Variants in LRP2 observed in about 807,000 individuals in gnomAD.
LRP2 encodes low-density lipoprotein receptor-related protein 2.
Under a neutral mutation model 531.0 loss-of-function variants are expected in LRP2, and 172 were observed. The ratio of observed to expected loss-of-function variants is 0.32; its 90% confidence interval spans 0.29 to 0.37. LRP2 has a LOEUF of 0.37. Ranked by LOEUF, LRP2 falls within the 10% of genes least tolerant of loss-of-function variation. LRP2 has a pLI of 1.00. For synonymous variants in LRP2, 1,992 were observed against 2,027.6 expected, an observed-to-expected ratio of 0.98 and a Z score of 0.47; for missense variants, 5,167 against 5,868.3, an observed-to-expected ratio of 0.88 and a Z score of 3.90.
chr2:169,177,975 C>T lies in LRP2; in HGVS notation c.10221G>A (p.Leu3407=). The T allele has an allele frequency of 1.9e-6, 3 of 1,614,176 alleles. No homozygotes were observed. The highest frequency in any genetic ancestry group is 1.7e-6 in the Non-Finnish European group (2 of 1,180,024). The change falls in exon 53 of 79, where the codon CTG becomes CTA. Residue 3407 remains leucine (L), a synonymous_variant. Coordinates refer to ENST00000649046, the MANE Select transcript of LRP2 (RefSeq NM_004525.3). ...HHRHTVYDGA[L]PHPFAITIFE... ...AAATGGTAATAGCGAAAGGGTGAGG[C>T]AGTGCCCCATCATACACCGTGTGTC...
chr2:169,247,317 C>T lies in LRP2; in HGVS notation c.2908+61G>A, dbSNP rs931375482. On this transcript the variant is annotated intron_variant, in intron 20 of 78. Transcript: ENST00000649046. ...ATAAGTACTTAAAGAGAACAGGAGCCACTGTAACAAATAAATAAACCCATA... is the reference window on the plus strand; with the variant it reads ...ATAAGTACTTAAAGAGAACAGGAGCTACTGTAACAAATAAATAAACCCATA... The T allele has an allele frequency of 1.3e-5, 20 of 1,559,692 alleles. No individual in the cohort carries two copies. In the East Asian group the frequency reaches 3.8e-4, roughly 30 times the overall value.
chr2:169,306,670 G>A (rs1017315840), intron 4 of LRP2, among the ~76,000 whole-genome samples: 4 of 151,474 alleles, frequency 2.6e-5, no homozygotes, highest in African/African-American at 4.9e-5. Context: ...TATAAGCCTC[G>A]AAAGAGGAAG....
At chr2:169,191,423 C>A (rs921417165) in intron 48 of LRP2, among the ~76,000 whole-genome samples, 1 of 152,178 alleles carries the variant, frequency 6.6e-6, no homozygotes, top group Non-Finnish European at 1.5e-5. Flanking sequence ...ATCTCAAGCC[C>A]TATCCATTCA....
At chr2:169,194,974 G>A (rs551439286) in intron 46 of LRP2, among the ~76,000 whole-genome samples, 66 of 152,206 alleles carry the variant, frequency 4.3e-4, no homozygotes, top group African/African-American at 8.2e-4. Context: ...CTCCCAAAGC[G>A]CTAGGATTAC....
At chr2:169,140,298 T>C (rs1032593500) in intron 72 of LRP2, among the ~76,000 whole-genome samples, 157 bp downstream of exon 72, 3 of 152,226 alleles carry the variant, frequency 2.0e-5, no homozygotes, top group African/African-American at 7.2e-5. Flanking sequence ...ACTGCCTCAG[T>C]TCTCTGTAGA....
intron 54 of LRP2, 69 bp from the exon 55 acceptor site, chr2:169,175,458 T>G: frequency 1.4e-6 from 2 of 1,444,444 alleles, no homozygotes; most frequent in Non-Finnish European, 1.9e-6. Context: ...AGAGAAGAAG[T>G]CAACACTGAA....
chr2:169,296,905 T>G (rs1684147424), intron 4 of LRP2, among the ~76,000 whole-genome samples: 1 of 152,088 alleles, frequency 6.6e-6, no homozygotes, highest in Admixed American at 6.5e-5. Flanking sequence ...GGTCAGCAGT[T>G]TGACTTTTGG....
At chr2:169,201,547 T>G in intron 44 of LRP2, 81 bp downstream of exon 44, 1 of 1,551,616 alleles carries the variant, frequency 6.4e-7, no homozygotes, top group East Asian at 2.3e-5. Flanking sequence ...TTGGAAAGCC[T>G]TTTTTTTATA....
At position 169,237,272 on chromosome 2, in the gene LRP2, T is replaced by C. The variant is rs1461316860; in HGVS notation, c.4522A>G (p.Ile1508Val). Residue 1508 changes from isoleucine to valine, a missense_variant, in exon 28 of 79, where the codon ATC becomes GTC. Coordinates refer to ENST00000649046, the MANE Select transcript of LRP2 (RefSeq NM_004525.3). ...ATTGCAATAGTTTCAGTCAAGATGATGCTACTGTCAAATACCTAAAGACAA... is the reference window on the plus strand; with the variant it reads ...ATTGCAATAGTTTCAGTCAAGATGACGCTACTGTCAAATACCTAAAGACAA... ...TDRRVVFDSS[I>V]ILTETIAIDW... 1 of 1,613,240 alleles carries C rather than the reference T, an allele frequency of 6.2e-7. No individual in the cohort carries two copies. Among genetic ancestry groups the C allele is most frequent in the Non-Finnish European group, 8.5e-7 (1 of 1,179,356 alleles).
At position 169,169,707 on chromosome 2, in the gene LRP2, T is replaced by G. The variant is rs755081280; in HGVS notation, c.11492A>C (p.Asp3831Ala). 2 of 1,613,612 alleles carry G rather than the reference T, an allele frequency of 1.2e-6. No individual in the cohort carries two copies. Among genetic ancestry groups the G allele is most frequent in the African/African-American group, 1.3e-5 (1 of 74,920 alleles). Residue 3831 changes from aspartate to alanine, a missense_variant, in exon 60 of 79, where the codon GAT (aspartate) becomes GCT (alanine). This residue lies in a region of LRP2 where 564 missense variants were observed against 747.7 expected (regional missense o/e 0.75). Coordinates refer to ENST00000649046, the MANE Select transcript of LRP2 (RefSeq NM_004525.3). ...ATATGTGTCTAGGGACTTACGACAA[T>G]CAGCTTCATCAGACGCATCCAAACA... is the stretch of plus-strand genomic sequence containing the variant. ...ADCLDASDEA[D>A]CPTRFPDGAY...
intron 16 of LRP2, among the ~76,000 whole-genome samples, chr2:169,270,639 A>C (rs1018575711): frequency 1.3e-5 from 2 of 151,544 alleles, no homozygotes; most frequent in African/African-American, 2.4e-5. Flanking sequence ...TAGCATTAGG[A>C]GATATACCTA....
At chr2:169,152,246 C>G (rs1230951575) in intron 67 of LRP2, among the ~76,000 whole-genome samples, 1 of 152,150 alleles carries the variant, frequency 6.6e-6, no homozygotes, top group Non-Finnish European at 1.5e-5. Context: ...AGACTGACAC[C>G]TCTATTAACT....
rs1689864576 is a variant in LRP2 at position 169,243,014 on chromosome 2, G to A, written c.3609C>T (p.Val1203=). ...KCASGDKCIG[V]TNRCDGVFDC... is the part of the protein sequence containing the mutation. ...CAAAAACACCATCACAACGATTTGT[G>A]ACGCCAATACATTTATCCCCACTGG... The change falls in exon 24 of 79, where the codon GTC becomes GTT. Residue 1203 remains valine (V), a synonymous_variant. Coordinates refer to ENST00000649046, the MANE Select transcript of LRP2 (RefSeq NM_004525.3). 3.7e-6 allele frequency: 6 copies of A among 1,614,000 alleles called. No homozygotes were observed. In the Admixed American group the frequency reaches 8.3e-5, roughly 22 times the overall value.
chr2:169,260,001 TA>T (rs1410548892), intron 16 of LRP2, among the ~76,000 whole-genome samples: 1 of 152,124 alleles, frequency 6.6e-6, no homozygotes, highest in African/African-American at 2.4e-5. Context: ...AATCACAGCT[TA>T]GATTAAATGA....
At chr2:169,179,075 T>C (rs1489467505) in intron 52 of LRP2, among the ~76,000 whole-genome samples, 2 of 152,032 alleles carry the variant, frequency 1.3e-5, no homozygotes, top group Non-Finnish European at 2.9e-5. Flanking sequence ...AGTTGCACAA[T>C]GTTGGCTCAC....
In LRP2 at chr2:169,157,387, G is replaced by C. The variant is rs1487642568; in HGVS notation, c.12003C>G (p.Asp4001Glu). The C allele has an allele frequency of 6.2e-7, 1 of 1,613,168 alleles. No individual in the cohort carries two copies. The highest frequency in any genetic ancestry group is 8.5e-7 in the Non-Finnish European group (1 of 1,179,514). Residue 4001 changes from aspartate (D) to glutamate (E), a missense_variant, in exon 64 of 79, where the codon GAC becomes GAG. Physicochemically the swap from Asp to Glu is conservative, Grantham distance 45. Around this residue, in one of 6 missense-constraint regions of LRP2, gnomAD observed 564 missense variants for 747.7 expected, o/e 0.75. Transcript: ENST00000649046. Reference protein sequence around the residue: ...CTAGFETNVFDRTSCLDINEC... With the variant: ...CTAGFETNVFERTSCLDINEC... ...ATACTCTACCTAGACAGGAGGTTCT[G>C]TCAAAAACATTGGTTTCGAACCCAG...
chr2:169,193,306 G>T (rs529519200), intron 47 of LRP2, among the ~76,000 whole-genome samples: 2 of 151,642 alleles, frequency 1.3e-5, no homozygotes, highest in African/African-American at 4.8e-5. Flanking sequence ...GGTGGTGGGC[G>T]TATGGTCCCA....
intron 30 of LRP2, 104 bp downstream of exon 30, chr2:169,233,307 T>C (rs1179008930): frequency 8.5e-6 from 11 of 1,287,638 alleles, no homozygotes; most frequent in Admixed American, 5.3e-5. Context: ...AAAAGGAAAA[T>C]GTATTGTCCA....
In LRP2 at chr2:169,362,409, G is replaced by C. The variant is rs1303576954; in HGVS notation, c.-10C>G. On this transcript the variant is annotated 5_prime_UTR_variant, in exon 1 of 79. Coordinates refer to ENST00000649046, the MANE Select transcript of LRP2 (RefSeq NM_004525.3). ...CCGGCCCGCGATCCATCTCCGCGAC[G>C]GTCCCCGGCCTCGCCGTTCCTTCCC... 8.4e-6 allele frequency: 13 copies of C among 1,553,346 alleles called. No homozygotes were observed. In the African/African-American group the frequency reaches 1.4e-4, roughly 16 times the overall value.
Sources: gnomAD v4.1 joint callset for allele counts (sites outside exome capture counted in the v4.1 genomes callset) on GRCh38, gnomAD v4.1.1 for gene constraint, gnomAD v4.1.1 regional missense constraint, MANE v1.5 for transcripts, NCBI Gene and HGNC (gene_info 2026-07-23, HGNC 2026-07-21) for gene names.